The following TTC28 variants were observed in gnomAD, a reference collection of about 807,000 sequenced individuals.
TTC28 encodes the protein tetratricopeptide repeat domain 28, also known as tetratricopeptide repeat protein 28.
A neutral mutation model predicts 198.0 loss-of-function variants in TTC28; 61 were observed. The observed-to-expected ratio is 0.31, with a 90% CI of 0.25 to 0.38. The LOEUF (loss-of-function observed/expected upper bound fraction) is 0.38, where lower values mean the gene tolerates loss of function less well. Among genes scored for constraint, TTC28 ranks in the 10% least tolerant of loss-of-function variants. The pLI is 1.00. For missense variants in TTC28, 2,678 were observed against 3,164.0 expected (o/e 0.85, Z 3.69); for synonymous variants, 1,171 against 1,297.8 (o/e 0.90, Z 2.10).
At chr22:28,651,679 T>C (rs1263561927) in intron 1 of TTC28, among the ~76,000 whole-genome samples, 7 of 152,178 alleles carry the variant, frequency 4.6e-5, no homozygotes, top group African/African-American at 1.2e-4. Context: ...CCCAAAGTGC[T>C]GGGATTACAG....
intron 2 of TTC28, among the ~76,000 whole-genome samples, chr22:28,368,382 G>A (rs988619754): frequency 6.6e-6 from 1 of 152,024 alleles, no homozygotes; most frequent in African/African-American, 2.4e-5. Context: ...ACTGAGTATA[G>A]AAGGAACATG....
At chr22:28,373,361 GT>G (rs1439757587) in intron 2 of TTC28, among the ~76,000 whole-genome samples, 13 of 152,050 alleles carry the variant, frequency 8.5e-5, no homozygotes, top group Non-Finnish European at 1.0e-4. Flanking sequence ...AGCATCCAGT[GT>G]TTTTTAAGAG....
intron 1 of TTC28, among the ~76,000 whole-genome samples, chr22:28,633,224 G>A (rs939081376): frequency 6.8e-6 from 1 of 148,122 alleles, no homozygotes; most frequent in African/African-American, 2.5e-5. Context: ...AGGTTGCAGT[G>A]AGCCAAAATT....
In TTC28 at chr22:27,990,024, A is replaced by G; in HGVS notation, c.5578-17T>C. ...CTGGTGGAGCTGAGGAAGGGGGGAC[A>G]GCGTGAGCACCCTGTGTCTCCTTCC... On this transcript the variant is annotated splice_polypyrimidine_tract_variant and intron_variant, in intron 20 of 22. Transcript: ENST00000397906. 1.3e-6 allele frequency: 2 copies of G among 1,548,290 alleles called. No homozygotes were observed. The highest frequency in any genetic ancestry group is 1.7e-6 in the Non-Finnish European group (2 of 1,144,852).
At chr22:28,492,908 C>G (rs1451880500) in intron 2 of TTC28, among the ~76,000 whole-genome samples, 1 of 151,948 alleles carries the variant, frequency 6.6e-6, no homozygotes, top group Non-Finnish European at 1.5e-5. Context: ...AAAAGTAAGA[C>G]AGTTTCCAAA....
intron 2 of TTC28, among the ~76,000 whole-genome samples, chr22:28,548,161 G>C (rs2145952131): frequency 6.6e-6 from 1 of 152,260 alleles, no homozygotes; most frequent in Middle Eastern, 3.4e-3. Flanking sequence ...TACAGAGTGA[G>C]GGGAGTACAA....
rs552643021 is a variant in TTC28 at position 28,049,931 on chromosome 22, A to G, written c.3933-19565T>C. ...CCTCTGAAACAAAGTACCCATTCTG[A>G]TCTGGTAGGGCTCTCCAGTTCTAAA... is the stretch of plus-strand genomic sequence containing the variant. On this transcript the variant is annotated intron_variant, in intron 12 of 22. Coordinates refer to ENST00000397906, the MANE Select transcript of TTC28 (RefSeq NM_001145418.2). 7.2e-5 allele frequency among the ~76,000 whole-genome samples: 11 copies of G among 152,132 alleles called. No individual in the cohort carries two copies. In the East Asian group the frequency reaches 2.1e-3, roughly 29 times the overall value.
chr22:28,145,777 C>T (rs978056129), intron 6 of TTC28, among the ~76,000 whole-genome samples: 14 of 152,148 alleles, frequency 9.2e-5, no homozygotes, highest in African/African-American at 2.4e-4. Context: ...TACACTCTTT[C>T]GACATATGAT....
intron 12 of TTC28, among the ~76,000 whole-genome samples, chr22:28,051,851 G>A (rs1293704989): frequency 8.5e-5 from 13 of 152,082 alleles, no homozygotes; most frequent in Admixed American, 7.2e-4. Flanking sequence ...AGTCTACAGC[G>A]AATTTATATG....
chr22:28,674,817 CAAAAA>C (rs34351638), intron 1 of TTC28, among the ~76,000 whole-genome samples: 2 of 96,568 alleles, frequency 2.1e-5, no homozygotes, highest in Admixed American at 1.1e-4. Context: ...ACTCTGTCTC[CAAAAA>C]AAAAAAAAAA....
At chr22:28,542,631 G>C (rs920407261) in intron 2 of TTC28, among the ~76,000 whole-genome samples, 11 of 151,916 alleles carry the variant, frequency 7.2e-5, no homozygotes, top group African/African-American at 2.7e-4. Context: ...CAATAATAAA[G>C]AGCTTTCAGG....
intron 2 of TTC28, among the ~76,000 whole-genome samples, chr22:28,511,601 C>T (rs542501218): frequency 2.8e-4 from 42 of 152,082 alleles, no homozygotes; most frequent in Admixed American, 2.6e-4. Flanking sequence ...AGGTGGATCA[C>T]GAGGTCAGGA....
intron 2 of TTC28, among the ~76,000 whole-genome samples, chr22:28,470,926 T>A (rs1355231871): frequency 6.6e-6 from 1 of 152,176 alleles, no homozygotes; most frequent in African/African-American, 2.4e-5. Flanking sequence ...TTCTCCACAT[T>A]TCAGCCGAAG....
intron 2 of TTC28, among the ~76,000 whole-genome samples, chr22:28,341,805 TAAAATAAA>T (rs898836687): frequency 7.3e-5 from 11 of 150,558 alleles, no homozygotes; most frequent in African/African-American, 2.7e-4. Flanking sequence ...AAAAATAAAA[TAAAATAAA>T]AAAATAAAAA....
At chr22:28,051,421 T>A (rs1569108209) in intron 12 of TTC28, among the ~76,000 whole-genome samples, 1 of 152,262 alleles carries the variant, frequency 6.6e-6, no homozygotes, top group Non-Finnish European at 1.5e-5. Context: ...TAATATAGGA[T>A]TTCCTTTGTT....
chr22:28,494,600 T>C (rs2146351513), intron 2 of TTC28, among the ~76,000 whole-genome samples: 1 of 152,294 alleles, frequency 6.6e-6, no homozygotes, highest in Non-Finnish European at 1.5e-5. Context: ...ATAAAAGCCT[T>C]CCCCTCGTGC....
chr22:28,085,446 C>G (rs1161544548), intron 12 of TTC28, among the ~76,000 whole-genome samples: 2 of 151,416 alleles, frequency 1.3e-5, no homozygotes, highest in African/African-American at 4.9e-5. Flanking sequence ...AAATCCTTTA[C>G]AGACAAGCAA....
chr22:28,490,630 A>C (rs1199817603), intron 2 of TTC28, among the ~76,000 whole-genome samples: 1 of 152,214 alleles, frequency 6.6e-6, no homozygotes. Flanking sequence ...ATAAATGCTG[A>C]ACTGAATGCA....
rs926062964 is a variant in TTC28, at chr22:28,014,114, C to T, written c.4218+134G>A. The T allele has an allele frequency of 9.0e-6, 10 of 1,114,112 alleles. No homozygotes were observed. In the East Asian group the frequency reaches 1.3e-4, roughly 15 times the overall value. The allele number at this position is 1,114,112 out of a possible 1,614,324, so 69.0% of individuals were successfully genotyped here. On this transcript the variant is annotated intron_variant, in intron 14 of 22. Coordinates refer to ENST00000397906, the MANE Select transcript of TTC28 (RefSeq NM_001145418.2). The stretch of plus-strand genomic sequence containing the variant: ...ATGCTCACTGAGAAGCTGGACAGAG[C>T]GGACTTGTGTTCTGGAAAGCCTCCG...
Sources: allele counts gnomAD v4.1 joint callset (sites outside exome capture counted in the v4.1 genomes callset), GRCh38; gene constraint gnomAD v4.1.1; transcripts MANE v1.5; gene names NCBI Gene and HGNC (gene_info 2026-07-23, HGNC 2026-07-21).